COL5A3: variants seen among roughly 807,000 people sequenced by gnomAD.
COL5A3 encodes the protein collagen alpha-3(V) chain.
Under a neutral mutation model 250.0 loss-of-function variants are expected in COL5A3, and 172 were observed. The observed-to-expected ratio is 0.69, with a 90% CI of 0.61 to 0.78. COL5A3 has a LOEUF of 0.78. Ranked by LOEUF, COL5A3 falls within the 30% of genes least tolerant of loss-of-function variation. The pLI, the probability that COL5A3 is intolerant of heterozygous loss-of-function variation, is 0.00. For synonymous variants in COL5A3, 937 were observed against 900.4 expected, an observed-to-expected ratio of 1.04 and a Z score of -0.73; for missense variants, 2,340 against 2,334.4, an observed-to-expected ratio of 1.00 and a Z score of -0.05.
At position 9,997,371 on chromosome 19, in the gene COL5A3, C is replaced by T. The variant is rs1371737757; in HGVS notation, c.1263G>A (p.Pro421=). 10 of 1,607,888 alleles carry T rather than the reference C, an allele frequency of 6.2e-6. No homozygotes were observed. Among genetic ancestry groups the T allele is most frequent in the Middle Eastern group, 1.6e-4 (1 of 6,076 alleles). ...GTACACCCCAGTGGGAGTCTCTTAC[C>T]GGTGGACCAGGGTCGCCAGGGAATC... is the stretch of plus-strand genomic sequence containing the variant. ...PPGFPGDPGP[P]GPAGLPGIPG... Residue 421 remains proline, a splice_region_variant and synonymous_variant, in exon 11 of 67, where the codon CCG becomes CCA. Coordinates refer to ENST00000264828, the MANE Select transcript of COL5A3 (RefSeq NM_015719.4).
In COL5A3 at chr19:9,999,656, C is replaced by G. The variant is rs2087329283; in HGVS notation, c.1111-1507G>C. ...ATTTTTTTGTATTTTTTAGTACAGA[C>G]AGCGTTTCACCATGTTAGCCAGGAT... is the stretch of plus-strand genomic sequence containing the variant. On this transcript the variant is annotated intron_variant, in intron 8 of 66. Coordinates refer to ENST00000264828, the MANE Select transcript of COL5A3 (RefSeq NM_015719.4). Among the ~76,000 whole-genome samples the G allele has an allele frequency of 2.0e-5, 3 of 151,982 alleles. No homozygotes were observed. In the South Asian group the frequency reaches 6.2e-4, roughly 32 times the overall value.
At chr19:10,010,223 C>G (rs1599236529) in intron 1 of COL5A3, 75 bp downstream of exon 1, 1 of 1,096,602 alleles carries the variant, frequency 9.1e-7, no homozygotes, top group Non-Finnish European at 1.2e-6. Flanking sequence ...CCCCTCCACC[C>G]CCCTCCACCC....
chr19:9,987,242 C>T (rs143031149), intron 27 of COL5A3, among the ~76,000 whole-genome samples: 285 of 152,264 alleles, frequency 1.9e-3, no homozygotes, highest in African/African-American at 6.6e-3. Context: ...CTGAGCTCAG[C>T]GGGCTACAAT....
chr19:9,981,980 G>A, intron 32 of COL5A3, 85 bp downstream of exon 32: 1 of 1,030,408 alleles, frequency 9.7e-7, no homozygotes, highest in Non-Finnish European at 1.5e-6. Context: ...AAACACCCAG[G>A]GTCCACCCAT....
At chr19:9,993,254 C>T in intron 19 of COL5A3, 126 bp downstream of exon 19, 1 of 1,190,964 alleles carries the variant, frequency 8.4e-7, no homozygotes, top group South Asian at 1.3e-5. Flanking sequence ...GTCTCACCTC[C>T]TCACCCCACA....
chr19:9,989,313 G>T lies in COL5A3; in HGVS notation c.2091+9C>A. Reference sequence around the variant, plus strand: ...GTCCCCAACCCAGCCTAACCTCCTGGTCACTCACCTGAGCCCCTTTCTCTC... The same window carrying T: ...GTCCCCAACCCAGCCTAACCTCCTGTTCACTCACCTGAGCCCCTTTCTCTC... On this transcript the variant is annotated intron_variant, in intron 26 of 66. Coordinates refer to ENST00000264828, the MANE Select transcript of COL5A3 (RefSeq NM_015719.4). 2 of 1,614,102 alleles carry T rather than the reference G, an allele frequency of 1.2e-6. No individual in the cohort carries two copies. The highest frequency in any genetic ancestry group is 1.7e-6 in the Non-Finnish European group (2 of 1,180,000).
intron 62 of COL5A3, 129 bp from the exon 63 acceptor site, chr19:9,966,875 A>C: frequency 1.4e-6 from 1 of 692,274 alleles, no homozygotes; most frequent in South Asian, 1.9e-5. Flanking sequence ...AGAGATAAAC[A>C]AGGGGCAGAG....
Position 10,001,817 on chromosome 19 carries a change from AAAGG to A in COL5A3, c.910_913del (p.Pro304TrpfsTer7), listed in dbSNP as rs1196838016. On this transcript the variant is annotated frameshift_variant, in exon 7 of 67. Transcript: ENST00000264828. LOFTEE classifies it high-confidence loss of function. ...AGTAGTCACAGTGGAGGTGACGACC[AAAGG>A]CGTGGGGGTCGGAGGCAGATTTGGA... 1 of 1,614,024 alleles carries A rather than the reference AAAGG, an allele frequency of 6.2e-7. No individual in the cohort carries two copies. The highest frequency in any genetic ancestry group is 2.2e-5 in the East Asian group (1 of 44,894).
chr19:9,996,514 G>A lies in COL5A3; in HGVS notation c.1341C>T (p.Phe447=), dbSNP rs1159167316. The change falls in exon 13 of 67, where the codon TTC becomes TTT. Residue 447 remains phenylalanine (F), a splice_region_variant and synonymous_variant. Coordinates refer to ENST00000264828, the MANE Select transcript of COL5A3 (RefSeq NM_015719.4). ...GPPGTVIMMP[F]QFAGGSFKGP... is the part of the protein sequence containing the mutation. The stretch of plus-strand genomic sequence containing the variant: ...CTTTAAAGGAGCCGCCTGCAAACTG[G>A]AACTGGGAGGAATTTAGTGGTGAGG... 2 of 1,613,958 alleles carry A rather than the reference G, an allele frequency of 1.2e-6. No individual in the cohort carries two copies. The highest frequency in any genetic ancestry group is 1.7e-6 in the Non-Finnish European group (2 of 1,180,002).
At chr19:9,990,510 T>C (rs1158647751) in intron 24 of COL5A3, among the ~76,000 whole-genome samples, 1 of 151,962 alleles carries the variant, frequency 6.6e-6, no homozygotes, top group Admixed American at 6.6e-5. Context: ...TATCAAAACA[T>C]CTCATGTACT....
At chr19:10,008,821 TG>T (rs950600349) in intron 1 of COL5A3, among the ~76,000 whole-genome samples, 32 of 152,200 alleles carry the variant, frequency 2.1e-4, no homozygotes, top group African/African-American at 7.0e-4. Flanking sequence ...GGACTTCTGA[TG>T]GGGGAGTGCC....
In COL5A3 at chr19:9,968,728, C is replaced by T; in HGVS notation, c.4153G>A (p.Gly1385Arg). The change falls in exon 58 of 67, where the codon GGG (glycine) becomes AGG (arginine). Residue 1385 changes from glycine (G) to arginine (R), a missense_variant and splice_region_variant. Physicochemically the swap from Gly to Arg is moderately radical, Grantham distance 125. Around this residue, in one of 3 missense-constraint regions of COL5A3, gnomAD observed 1,179 missense variants for 1,162.6 expected, o/e 1.01. Transcript: ENST00000264828. The surrounding 1 kb of genome is among the most constrained non-coding windows in gnomAD (Gnocchi z 4.1). The part of the protein sequence containing the change: ...PGQMGPPGPL[G>R]PSGLPGLKGD... The stretch of plus-strand genomic sequence containing the variant: ...TTCAGCCCTGGGAGGCCAGAGGGCC[C>T]CTGGGAGAAGAGCAAGGGTCAGTTA... 6.2e-7 allele frequency: 1 copy of T among 1,607,186 alleles called. No homozygotes were observed. The highest frequency in any genetic ancestry group is 8.5e-7 in the Non-Finnish European group (1 of 1,177,668).
chr19:9,971,133 A>G, intron 52 of COL5A3, 72 bp downstream of exon 52: 4 of 1,405,878 alleles, frequency 2.8e-6, no homozygotes, highest in Non-Finnish European at 3.8e-6. Flanking sequence ...GTCAGTGCCC[A>G]GGTCTGTGGG....
intron 41 of COL5A3, 23 bp from the exon 42 acceptor site, chr19:9,977,724 A>G: frequency 6.5e-7 from 1 of 1,532,758 alleles, no homozygotes; most frequent in Non-Finnish European, 8.8e-7. Flanking sequence ...GTGATGAATC[A>G]GGTATAATAC....
Position 9,977,405 on chromosome 19 carries a change from G to T in COL5A3, c.3194C>A (p.Pro1065His), listed in dbSNP as rs1227399627. Residue 1065 changes from proline to histidine, a missense_variant, in exon 43 of 67, where the codon CCC (proline) becomes CAC (histidine). Pro to His is a moderately conservative substitution (Grantham distance 77). Coordinates refer to ENST00000264828, the MANE Select transcript of COL5A3 (RefSeq NM_015719.4). ...GCCAGAAGGCCCAGCAGCTCCAGGG[G>T]GTCCCAGAGGCCCCAGGGGCCCTGG... Reference protein sequence around the residue: ...GIPGPLGPLGPPGAAGPSGEE... With the variant: ...GIPGPLGPLGHPGAAGPSGEE... The T allele has an allele frequency of 1.3e-6, 2 of 1,546,926 alleles. No homozygotes were observed. The highest frequency in any genetic ancestry group is 2.8e-5 in the African/African-American group (2 of 72,610).
At chr19:9,981,236 A>ACAT in intron 32 of COL5A3, 104 bp from the exon 33 acceptor site, 1 of 1,000,060 alleles carries the variant, frequency 1.0e-6, no homozygotes, top group Admixed American at 1.8e-5. Context: ...GCTGTCTGCC[A>ACAT]CATATTTATT....
chr19:10,000,105 C>G (rs958679608), intron 8 of COL5A3, among the ~76,000 whole-genome samples: 20 of 148,590 alleles, frequency 1.3e-4, no homozygotes, highest in South Asian at 1.0e-3. Flanking sequence ...CTGCCCTTAA[C>G]ATAAAAAAAA....
chr19:9,991,577 G>A, intron 24 of COL5A3, 33 bp downstream of exon 24: 1 of 1,552,466 alleles, frequency 6.4e-7, no homozygotes, highest in African/African-American at 1.4e-5. Context: ...AAGAAGACTT[G>A]AGGAGGTCGC....
rs2086984959 is a variant in COL5A3 at position 9,980,000 on chromosome 19, G to A, written c.2652C>T (p.Gly884=). 3 of 1,586,450 alleles carry A rather than the reference G, an allele frequency of 1.9e-6. No homozygotes were observed. Among genetic ancestry groups the A allele is most frequent in the Non-Finnish European group, 2.6e-6 (3 of 1,172,700 alleles). Residue 884 remains glycine (G), a synonymous_variant, in exon 36 of 67, where the codon GGC becomes GGT. Coordinates refer to ENST00000264828, the MANE Select transcript of COL5A3 (RefSeq NM_015719.4). The part of the protein sequence containing the change: ...QGPPGFPGPK[G]PPGHQGKDGR... ...TGAGGGTGACCTCACTCACAGGGGG[G>A]CCCTTTGGCCCAGGGAATCCTGGAG...
Sources: allele counts gnomAD v4.1 joint callset (sites outside exome capture counted in the v4.1 genomes callset), GRCh38; gene constraint gnomAD v4.1.1; regional missense constraint gnomAD v4.1.1; non-coding constraint Gnocchi (gnomAD v3.1); transcripts MANE v1.5; gene names NCBI Gene and HGNC (gene_info 2026-07-23, HGNC 2026-07-21).